Variants in PDS5A observed in about 807,000 individuals in gnomAD.
PDS5A encodes the protein sister chromatid cohesion protein PDS5 homolog A.
In PDS5A, 42 loss-of-function variants were observed where a neutral mutation model predicts 167.1. The observed-to-expected ratio is 0.25, with a 90% CI of 0.20 to 0.33. The LOEUF is 0.33. Ranked by LOEUF, PDS5A falls within the 10% of genes least tolerant of loss-of-function variation. PDS5A has a pLI of 1.00. For missense variants in PDS5A, 1,033 were observed against 1,605.9 expected (o/e 0.64, Z 6.10); for synonymous variants, 553 against 554.6 (o/e 1.00, Z 0.04).
Position 39,824,635 on chromosome 4 carries a change from A to G in PDS5A, c.*850T>C, listed in dbSNP as rs992113649. ...TCTGGTGACAAACATTATAAAACCA[A>G]ATGCTGGACAGTCTTTACTCCTTTA... On this transcript the variant is annotated 3_prime_UTR_variant, in exon 33 of 33. Coordinates refer to ENST00000303538, the MANE Select transcript of PDS5A (RefSeq NM_001100399.2). The G allele has an allele frequency of 6.6e-6, 1 of 152,624 alleles. No homozygotes were observed. The highest frequency in any genetic ancestry group is 1.5e-5 in the Non-Finnish European group (1 of 68,042). 9.5% of individuals were successfully genotyped at this position (152,624 alleles called of 1,614,324 possible).
At chr4:39,872,902 AC>A in intron 21 of PDS5A, 83 bp downstream of exon 21, 1 of 658,078 alleles carries the variant, frequency 1.5e-6, no homozygotes, top group Non-Finnish European at 2.3e-6. Context: ...AAAGAGAATT[AC>A]ACAGAAACAG....
chr4:39,973,846 C>T lies in PDS5A; in HGVS notation c.138+2594G>A. ...ACAGACTCAGAACCGTGCTGCAAGACCGGGCGCGGTGGCTCACGCCTGTAA... is the reference window on the plus strand; with the variant it reads ...ACAGACTCAGAACCGTGCTGCAAGATCGGGCGCGGTGGCTCACGCCTGTAA... On this transcript the variant is annotated intron_variant, in intron 2 of 32. Coordinates refer to ENST00000303538, the MANE Select transcript of PDS5A (RefSeq NM_001100399.2). 7 of 978,094 alleles carry T rather than the reference C, an allele frequency of 7.2e-6. No homozygotes were observed. The South Asian group carries it at 9.1e-5, about 13-fold the overall frequency. 60.6% of individuals were successfully genotyped at this position (978,094 alleles called of 1,614,324 possible).
chr4:39,913,089 CTTTT>C (rs57878074), intron 9 of PDS5A, among the ~76,000 whole-genome samples: 4 of 143,820 alleles, frequency 2.8e-5, no homozygotes, highest in Non-Finnish European at 3.0e-5. Flanking sequence ...TAATGACTTT[CTTTT>C]TTTTTTTTTT....
chr4:39,825,331 AG>A lies in PDS5A; in HGVS notation c.*153del. ...TCAGAGGACTTGTGGTCATGTGAAAAGGAAGTAATAGTCTCTTTAGTTTTCA... is the reference window on the plus strand; with the variant it reads ...TCAGAGGACTTGTGGTCATGTGAAAAGAAGTAATAGTCTCTTTAGTTTTCA... On this transcript the variant is annotated 3_prime_UTR_variant, in exon 33 of 33. Transcript: ENST00000303538. The A allele has an allele frequency of 1.9e-6, 1 of 515,094 alleles. No individual in the cohort carries two copies. The highest frequency in any genetic ancestry group is 3.7e-5 in the South Asian group (1 of 27,322). 31.9% of individuals were successfully genotyped at this position (515,094 alleles called of 1,614,324 possible).
chr4:39,919,943 T>TA lies in PDS5A; in HGVS notation c.735+375dup, dbSNP rs1056957613. On this transcript the variant is annotated intron_variant, in intron 7 of 32. Transcript: ENST00000303538. ...TCTCTGTAATCTTAAAAAAATAAAA[T>TA]AAAAAAAAAAGGAAGAAACATTACA... Among the ~76,000 whole-genome samples, 816 of 124,256 alleles carry TA rather than the reference T, an allele frequency of 6.6e-3. 7 individuals are homozygous for TA. The highest frequency in any genetic ancestry group is 0.023 in the African/African-American group (769 of 32,750). 81.5% of individuals were successfully genotyped at this position (124,256 alleles called of 152,430 possible). A position where few individuals can be genotyped will look rare whatever the true frequency, so the allele number is the denominator to read the frequency against.
At position 39,898,476 on chromosome 4, in the gene PDS5A, C is replaced by A; in HGVS notation, c.1683G>T (p.Gln561His). ...KAQDFVKKFN[Q>H]VLGDDEKLRS... ...GAAGTTTCTCATCATCGCCGAGAAC[C>A]TGGTTAAATTTCTTCACAAAATCTT... Residue 561 changes from glutamine (Q) to histidine (H), a missense_variant, in exon 16 of 33, where the codon CAG becomes CAT. Gln to His is a conservative substitution (Grantham distance 24). Transcript: ENST00000303538. 1 of 1,600,716 alleles carries A rather than the reference C, an allele frequency of 6.2e-7. No homozygotes were observed. Among genetic ancestry groups the A allele is most frequent in the East Asian group, 2.2e-5 (1 of 44,544 alleles).
At chr4:39,948,609 TACC>T (rs1215332030) in intron 2 of PDS5A, among the ~76,000 whole-genome samples, 1 of 146,388 alleles carries the variant, frequency 6.8e-6, no homozygotes, top group African/African-American at 2.5e-5. Flanking sequence ...ACGTGTGAGC[TACC>T]ACGCCTGGAT....
At chr4:39,921,242 CA>C (rs913164910) in intron 6 of PDS5A, among the ~76,000 whole-genome samples, 26 of 152,188 alleles carry the variant, frequency 1.7e-4, no homozygotes, top group Middle Eastern at 3.4e-3. Context: ...CAGATATAAA[CA>C]AAACGAAAAC....
chr4:39,858,193 T>C (rs1718691845), intron 26 of PDS5A, among the ~76,000 whole-genome samples: 1 of 152,186 alleles, frequency 6.6e-6, no homozygotes, highest in South Asian at 2.1e-4. Flanking sequence ...GTCCCATTCC[T>C]ATCAAAAGTA....
chr4:39,885,285 AAAAG>A (rs1202841160), intron 17 of PDS5A, among the ~76,000 whole-genome samples: 1 of 149,970 alleles, frequency 6.7e-6, no homozygotes, highest in African/African-American at 2.5e-5. Flanking sequence ...AGAAAAAGAC[AAAAG>A]AAAGGAGAAG....
intron 2 of PDS5A, among the ~76,000 whole-genome samples, chr4:39,958,612 T>C (rs1010304551): frequency 3.4e-4 from 51 of 151,988 alleles, no homozygotes; most frequent in Admixed American, 1.2e-3. Context: ...TGTCTTTTTT[T>C]TTTTCTTTTC....
At chr4:39,827,117 C>T (rs566084447) in intron 32 of PDS5A, among the ~76,000 whole-genome samples, 4 of 152,176 alleles carry the variant, frequency 2.6e-5, no homozygotes, top group South Asian at 4.2e-4. Flanking sequence ...TCTCCTGCCT[C>T]GGCCTCTTGA....
At chr4:39,909,685 C>T (rs1172551517) in intron 10 of PDS5A, among the ~76,000 whole-genome samples, 1 of 151,902 alleles carries the variant, frequency 6.6e-6, no homozygotes, top group Non-Finnish European at 1.5e-5. Context: ...ATGTTGTTTC[C>T]CCTGTTCTTT....
chr4:39,927,920 G>A (rs1725609917), intron 3 of PDS5A, 41 bp downstream of exon 3: 1 of 1,367,770 alleles, frequency 7.3e-7, no homozygotes, highest in Non-Finnish European at 1.0e-6. Context: ...CTGAACAGTG[G>A]TGAATGAAAA....
intron 29 of PDS5A, 70 bp downstream of exon 29, chr4:39,845,748 G>T: frequency 2.3e-6 from 3 of 1,330,138 alleles, no homozygotes; most frequent in Non-Finnish European, 2.9e-6. Context: ...TCATTTAAAG[G>T]TATTTCTAGG....
chr4:39,838,211 A>G lies in PDS5A; in HGVS notation c.3658-3T>C, dbSNP rs1479659145. On this transcript the variant is annotated splice_polypyrimidine_tract_variant and splice_region_variant and intron_variant, in intron 31 of 32. Transcript: ENST00000303538. ...GTAGCCTGATCAGAATTAATTTCCT[A>G]AAAAAGCACAAAACAATTCTATAAA... The G allele has an allele frequency of 4.6e-6, 7 of 1,514,010 alleles. No homozygotes were observed. In the African/African-American group the frequency reaches 8.4e-5, roughly 18 times the overall value. The allele number at this position is 1,514,010 out of a possible 1,614,324, so 93.8% of individuals were successfully genotyped here. A position where few individuals can be genotyped will look rare whatever the true frequency, so the allele number is the denominator to read the frequency against.
At chr4:39,909,602 A>C (rs1480205425) in intron 10 of PDS5A, among the ~76,000 whole-genome samples, 2 of 152,222 alleles carry the variant, frequency 1.3e-5, no homozygotes, top group Non-Finnish European at 2.9e-5. Flanking sequence ...ACAATATAAA[A>C]TCCAGAATAT....
chr4:39,976,868 A>T (rs1731143988), intron 1 of PDS5A, among the ~76,000 whole-genome samples: 1 of 151,894 alleles, frequency 6.6e-6, no homozygotes. Flanking sequence ...GGAGTTTCCC[A>T]TTCCGCCTTT....
At chr4:39,966,343 A>G (rs912415575) in intron 2 of PDS5A, among the ~76,000 whole-genome samples, 2 of 152,198 alleles carry the variant, frequency 1.3e-5, no homozygotes, top group African/African-American at 2.4e-5. Context: ...AAAGGGAAAG[A>G]ATTATGGCCG....
Sources: allele counts gnomAD v4.1 joint callset (sites outside exome capture counted in the v4.1 genomes callset), GRCh38; gene constraint gnomAD v4.1.1; transcripts MANE v1.5; gene names NCBI Gene and HGNC (gene_info 2026-07-23, HGNC 2026-07-21).